The following ZNF445 variants were observed in gnomAD, a reference collection of about 807,000 sequenced individuals.
ZNF445 encodes zinc finger protein 445.
In ZNF445, 19 loss-of-function variants were observed where a neutral mutation model predicts 93.9. That is an observed-to-expected ratio of 0.20 (90% confidence interval 0.14 to 0.30). The LOEUF is 0.30. Among genes scored for constraint, ZNF445 ranks in the 10% least tolerant of loss-of-function variants. The pLI, the probability that ZNF445 is intolerant of heterozygous loss-of-function variation, is 1.00. For synonymous variants in ZNF445, 449 were observed against 446.3 expected, an observed-to-expected ratio of 1.01 and a Z score of -0.08; for missense variants, 1,058 against 1,259.4, an observed-to-expected ratio of 0.84 and a Z score of 2.42.
At chr3:44,467,886 A>G (rs1177575919) in intron 1 of ZNF445, among the ~76,000 whole-genome samples, 1 of 152,212 alleles carries the variant, frequency 6.6e-6, no homozygotes, top group Non-Finnish European at 1.5e-5. Context: ...CAGTTTAAAC[A>G]AAATTCTAAA....
At chr3:44,463,971 C>A (rs1394096119) in intron 1 of ZNF445, among the ~76,000 whole-genome samples, 1 of 152,110 alleles carries the variant, frequency 6.6e-6, no homozygotes, top group African/African-American at 2.4e-5. Flanking sequence ...TACTAAAATG[C>A]AGAAATTAGC....
intron 1 of ZNF445, among the ~76,000 whole-genome samples, chr3:44,474,498 G>C (rs957049922): frequency 3.9e-5 from 6 of 152,100 alleles, no homozygotes; most frequent in African/African-American, 1.4e-4. Context: ...AGTGCAACAA[G>C]AGCAAAATTC....
chr3:44,436,520 A>T lies in ZNF445; in HGVS notation c.*10055T>A, dbSNP rs1168885803. The T allele has an allele frequency of 1.3e-5, 2 of 152,208 alleles. No homozygotes were observed. Among genetic ancestry groups the T allele is most frequent in the African/African-American group, 2.4e-5 (1 of 41,456 alleles). 9.4% of individuals were successfully genotyped at this position (152,208 alleles called of 1,614,324 possible). A position where few individuals can be genotyped will look rare whatever the true frequency, so the allele number is the denominator to read the frequency against. On this transcript the variant is annotated 3_prime_UTR_variant, in exon 8 of 8. Transcript: ENST00000396077. Reference sequence around the variant, plus strand: ...CTGGACCCTCCCTGGGTGGGTGAGCAGGTATTTACATGATAAATACTCAAG... The same window carrying T: ...CTGGACCCTCCCTGGGTGGGTGAGCTGGTATTTACATGATAAATACTCAAG...
intron 3 of ZNF445, among the ~76,000 whole-genome samples, chr3:44,452,321 A>C (rs1416262309): frequency 5.9e-5 from 9 of 151,842 alleles, no homozygotes; most frequent in Non-Finnish European, 7.4e-5. Context: ...ACAATAATTT[A>C]TCTCCCGTTT....
intron 1 of ZNF445, among the ~76,000 whole-genome samples, chr3:44,471,646 G>T (rs1437136321): frequency 6.6e-6 from 1 of 152,152 alleles, no homozygotes; most frequent in Non-Finnish European, 1.5e-5. Context: ...CAAAAGAAAT[G>T]ACAGTAAACT....
At chr3:44,458,587 G>T (rs748594488) in intron 1 of ZNF445, among the ~76,000 whole-genome samples, 8 of 152,086 alleles carry the variant, frequency 5.3e-5, no homozygotes, top group South Asian at 4.2e-4. Flanking sequence ...AAGCAGCTTT[G>T]GAACTTCAGA....
At position 44,448,281 on chromosome 3, in the gene ZNF445, T is replaced by C. The variant is rs1697907191; in HGVS notation, c.1390A>G (p.Lys464Glu). 1 of 1,614,082 alleles carries C rather than the reference T, an allele frequency of 6.2e-7. No individual in the cohort carries two copies. Among genetic ancestry groups the C allele is most frequent in the Non-Finnish European group, 8.5e-7 (1 of 1,180,048 alleles). ...TGATGAGAGCTAAGGCTGAAGTCTT[T>C]TCCACACACGTCCTTTTTGTTCCCT... ...LKGNKKDVCG[K>E]DFSLSSHHQR... Residue 464 changes from lysine (K) to glutamate (E), a missense_variant, in exon 8 of 8, where the codon AAA (lysine) becomes GAA (glutamate). Lys to Glu is a moderately conservative substitution (Grantham distance 56, BLOSUM62 1). Coordinates refer to ENST00000396077, the MANE Select transcript of ZNF445 (RefSeq NM_181489.6).
chr3:44,475,501 G>A (rs1230780384), intron 1 of ZNF445, among the ~76,000 whole-genome samples: 1 of 151,990 alleles, frequency 6.6e-6, no homozygotes, highest in Non-Finnish European at 1.5e-5. Context: ...TGCTCAGCCA[G>A]GTATTAAAGA....
At position 44,451,354 on chromosome 3, in the gene ZNF445, G is replaced by C. The variant is rs1218297789; in HGVS notation, c.558C>G (p.Pro186=). The C allele has an allele frequency of 1.2e-6, 2 of 1,614,176 alleles. No individual in the cohort carries two copies. The highest frequency in any genetic ancestry group is 2.2e-5 in the East Asian group (1 of 44,868). Residue 186 remains proline (P), a synonymous_variant, in exon 4 of 8, where the codon CCC becomes CCG. Coordinates refer to ENST00000396077, the MANE Select transcript of ZNF445 (RefSeq NM_181489.6). ...GGAAGTCACGTGCTTCTATTTCATA[G>C]GGAGGCTCCAGGTGGTCCCCCAGAG... ...SSALGDHLEP[P]YEIEARDFLA...
At chr3:44,448,991 A>G (rs1697919558) in intron 7 of ZNF445, among the ~76,000 whole-genome samples, 1 of 152,254 alleles carries the variant, frequency 6.6e-6, no homozygotes, top group Non-Finnish European at 1.5e-5. Flanking sequence ...AAAAGGATTA[A>G]GAAGAAAGTG....
chr3:44,434,288 G>T lies in ZNF445; in HGVS notation c.*12287C>A, dbSNP rs139355147. ...AAAAAAATTAGCCGGGCGTGGTGGC[G>T]CACACCTGTAGTCCCAACAGGCTGA... On this transcript the variant is annotated 3_prime_UTR_variant, in exon 8 of 8. Coordinates refer to ENST00000396077, the MANE Select transcript of ZNF445 (RefSeq NM_181489.6). 6.6e-6 allele frequency: 1 copy of T among 150,792 alleles called. No individual in the cohort carries two copies. Among genetic ancestry groups the T allele is most frequent in the Non-Finnish European group, 1.5e-5 (1 of 67,850 alleles). 9.3% of individuals were successfully genotyped at this position (150,792 alleles called of 1,614,324 possible).
chr3:44,439,500 T>C lies in ZNF445; in HGVS notation c.*7075A>G, dbSNP rs1032511993. The C allele has an allele frequency of 6.6e-6, 1 of 152,154 alleles. No individual in the cohort carries two copies. Among genetic ancestry groups the C allele is most frequent in the Admixed American group, 6.5e-5 (1 of 15,268 alleles). 9.4% of individuals were successfully genotyped at this position (152,154 alleles called of 1,614,324 possible). A position where few individuals can be genotyped will look rare whatever the true frequency, so the allele number is the denominator to read the frequency against. Reference sequence around the variant, plus strand: ...CTTCTGCTCCCTGCCCCAGCATTAGTAGCTGGGACCTCTCCACAGAAGCAC... The same window carrying C: ...CTTCTGCTCCCTGCCCCAGCATTAGCAGCTGGGACCTCTCCACAGAAGCAC... On this transcript the variant is annotated 3_prime_UTR_variant, in exon 8 of 8. Transcript: ENST00000396077.
rs1559390266 is a variant in ZNF445 at position 44,446,702 on chromosome 3, C to T, written c.2969G>A (p.Ser990Asn). 1.2e-6 allele frequency: 2 copies of T among 1,614,106 alleles called. No homozygotes were observed. Among genetic ancestry groups the T allele is most frequent in the African/African-American group, 1.3e-5 (1 of 74,930 alleles). The change falls in exon 8 of 8, where the codon AGT becomes AAT. Residue 990 changes from serine (S) to asparagine (N), a missense_variant. Ser to Asn is a conservative substitution (Grantham distance 46, BLOSUM62 1). Around this residue, in one of 3 missense-constraint regions of ZNF445, gnomAD observed 387 missense variants for 475.7 expected, o/e 0.81. Coordinates refer to ENST00000396077, the MANE Select transcript of ZNF445 (RefSeq NM_181489.6). The surrounding 1 kb of genome is among the most constrained non-coding windows in gnomAD (Gnocchi z 4.2). ...TCTCTTGTGGCTAATGAGTTGTGAA[C>T]TCTTGTTAAAAGTTTTCCCACATAT... ...CSICGKTFNK[S>N]SQLISHKRFH...
intron 3 of ZNF445, among the ~76,000 whole-genome samples, chr3:44,453,848 C>T (rs1398171015): frequency 6.6e-6 from 1 of 152,166 alleles, no homozygotes; most frequent in Non-Finnish European, 1.5e-5. Flanking sequence ...GCATTTTCTT[C>T]TCAACGAACA....
chr3:44,450,812 TCCCATTAGGC>T, intron 5 of ZNF445, 46 bp downstream of exon 5: 1 of 1,422,604 alleles, frequency 7.0e-7, no homozygotes, highest in Non-Finnish European at 9.4e-7. Context: ...AGCTGCACTA[TCCCATTAGGC>T]AGCGACGTGG....
At position 44,442,129 on chromosome 3, in the gene ZNF445, G is replaced by T. The variant is rs1029967151; in HGVS notation, c.*4446C>A. On this transcript the variant is annotated 3_prime_UTR_variant, in exon 8 of 8. Transcript: ENST00000396077. ...CTTAACTTTACACTAAGGGTACCTT[G>T]TATGTAGCTTCACCAACTTTCTCAG... is the stretch of plus-strand genomic sequence containing the variant. 2.6e-5 allele frequency: 4 copies of T among 152,144 alleles called. No individual in the cohort carries two copies. The highest frequency in any genetic ancestry group is 9.7e-5 in the African/African-American group (4 of 41,414). 9.4% of individuals were successfully genotyped at this position (152,144 alleles called of 1,614,324 possible). A position where few individuals can be genotyped will look rare whatever the true frequency, so the allele number is the denominator to read the frequency against.
At position 44,446,971 on chromosome 3, in the gene ZNF445, C is replaced by A. The variant is rs774097958; in HGVS notation, c.2700G>T (p.Trp900Cys). 6.2e-7 allele frequency: 1 copy of A among 1,614,196 alleles called. No individual in the cohort carries two copies. The highest frequency in any genetic ancestry group is 1.3e-5 in the African/African-American group (1 of 75,050). Residue 900 changes from tryptophan (W) to cysteine (C), a missense_variant, in exon 8 of 8, where the codon TGG becomes TGT. Around this residue, in one of 3 missense-constraint regions of ZNF445, gnomAD observed 387 missense variants for 475.7 expected, o/e 0.81. Transcript: ENST00000396077. The surrounding 1 kb of genome is among the most constrained non-coding windows in gnomAD (Gnocchi z 4.2). ...HSTERPFKCQ[W>C]CGKEFIGRHT... is the part of the protein sequence containing the mutation. ...GTCTCCCAATGAACTCTTTCCCACA[C>A]CACTGACATTTGAAAGGTCTCTCTG...
chr3:44,436,279 G>A lies in ZNF445; in HGVS notation c.*10296C>T, dbSNP rs1484327921. The A allele has an allele frequency of 6.6e-6, 1 of 152,148 alleles. No individual in the cohort carries two copies. The highest frequency in any genetic ancestry group is 2.4e-5 in the African/African-American group (1 of 41,432). 9.4% of individuals were successfully genotyped at this position (152,148 alleles called of 1,614,324 possible). A position where few individuals can be genotyped will look rare whatever the true frequency, so the allele number is the denominator to read the frequency against. On this transcript the variant is annotated 3_prime_UTR_variant, in exon 8 of 8. Coordinates refer to ENST00000396077, the MANE Select transcript of ZNF445 (RefSeq NM_181489.6). ...GCAGGCAGACATCACAGATCTCTGTGGGTCAGACCATTCAGGATCCTGCTT... is the reference window on the plus strand; with the variant it reads ...GCAGGCAGACATCACAGATCTCTGTAGGTCAGACCATTCAGGATCCTGCTT...
intron 1 of ZNF445, among the ~76,000 whole-genome samples, chr3:44,466,756 T>TA (rs1471915712): frequency 1.3e-5 from 2 of 152,200 alleles, no homozygotes; most frequent in African/African-American, 4.8e-5. Context: ...AACATTAGAA[T>TA]AAACACTTTC....
Sources: gnomAD v4.1 joint callset for allele counts (sites outside exome capture counted in the v4.1 genomes callset) on GRCh38, gnomAD v4.1.1 for gene constraint, gnomAD v4.1.1 regional missense constraint, Gnocchi (gnomAD v3.1) non-coding constraint, MANE v1.5 for transcripts, NCBI Gene and HGNC (gene_info 2026-07-23, HGNC 2026-07-21) for gene names.